Variants in B4GALT2 observed in about 807,000 individuals in gnomAD.
B4GALT2 encodes the protein beta-1,4-galactosyltransferase 2.
In B4GALT2, 18 loss-of-function variants were observed where a neutral mutation model predicts 33.2. The ratio of observed to expected loss-of-function variants is 0.54; its 90% CI spans 0.38 to 0.80. The LOEUF (loss-of-function observed/expected upper bound fraction) is 0.80. Ranked by LOEUF, B4GALT2 falls within the 30% of genes least tolerant of loss-of-function variation. B4GALT2 has a pLI of 0.00. For synonymous variants in B4GALT2, 214 were observed against 217.6 expected, an observed-to-expected ratio of 0.98 and a Z score of 0.15; for missense variants, 404 against 526.2, an observed-to-expected ratio of 0.77 and a Z score of 2.27.
intron 6 of B4GALT2, 169 bp downstream of exon 6, chr1:43,985,790 C>T (rs890633777): frequency 3.2e-5 from 21 of 650,368 alleles, no homozygotes; most frequent in Non-Finnish European, 5.1e-5. Flanking sequence ...GATCCAAGGC[C>T]CCTCAGGACT....
chr1:43,980,190 C>A, intron 1 of B4GALT2: 1 of 936,836 alleles, frequency 1.1e-6, no homozygotes, highest in Non-Finnish European at 1.5e-6. Context: ...CTCCCTGAAG[C>A]ACTGCCAGAA....
At position 43,979,559 on chromosome 1, in the gene B4GALT2, G is replaced by A. The variant is rs1356380603; in HGVS notation, c.-53+48G>A. On this transcript the variant is annotated intron_variant, in intron 1 of 6. Coordinates refer to ENST00000372324, the MANE Select transcript of B4GALT2 (RefSeq NM_003780.5). This position sits in a 1 kb window ranked among gnomAD's most constrained non-coding sequence, Gnocchi z 4.8. ...CCCCACCCAGGGCCCCGAGATTCCA[G>A]ACCCAGCCCCGCGAGGGGCACCCCG... The A allele has an allele frequency of 6.2e-6, 1 of 161,176 alleles. No individual in the cohort carries two copies. Among genetic ancestry groups the A allele is most frequent in the African/African-American group, 2.4e-5 (1 of 41,370 alleles). The allele number at this position is 161,176 out of a possible 1,614,324, so 10.0% of individuals were successfully genotyped here. A position where few individuals can be genotyped will look rare whatever the true frequency, so the allele number is the denominator to read the frequency against.
At position 43,981,935 on chromosome 1, in the gene B4GALT2, G is replaced by T; in HGVS notation, c.549+11G>T. ...TATGTCATCAACCAGGTGCCCATGC[G>T]GGGGTCCATGTGCCTGTTGGTGTAT... is the stretch of plus-strand genomic sequence containing the variant. On this transcript the variant is annotated intron_variant, in intron 3 of 6. Coordinates refer to ENST00000372324, the MANE Select transcript of B4GALT2 (RefSeq NM_003780.5). The surrounding 1 kb of genome is among the most constrained non-coding windows in gnomAD (Gnocchi z 8.1). The T allele has an allele frequency of 6.2e-7, 1 of 1,612,218 alleles. No individual in the cohort carries two copies. Among genetic ancestry groups the T allele is most frequent in the Non-Finnish European group, 8.5e-7 (1 of 1,178,836 alleles).
In B4GALT2 at chr1:43,985,066, T is replaced by C. The variant is rs745989416; in HGVS notation, c.740+11T>C. The C allele has an allele frequency of 4.8e-5, 77 of 1,612,698 alleles. No individual in the cohort carries two copies. Among genetic ancestry groups the C allele is most frequent in the Non-Finnish European group, 6.3e-5 (74 of 1,179,494 alleles). On this transcript the variant is annotated intron_variant, in intron 4 of 6. Transcript: ENST00000372324. ...CAAGTTTGGCTTCCGGTGAGGGCTC[T>C]CTTCTCAGCTGGACCCAGCCCTCCT... is the stretch of plus-strand genomic sequence containing the variant.
rs1358342525 is a variant in B4GALT2, at chr1:43,982,069, A to G, written c.549+145A>G. 1 of 795,330 alleles carries G rather than the reference A, an allele frequency of 1.3e-6. No individual in the cohort carries two copies. The highest frequency in any genetic ancestry group is 2.0e-6 in the Non-Finnish European group (1 of 498,628). The allele number at this position is 795,330 out of a possible 1,614,324, so 49.3% of individuals were successfully genotyped here. A position where few individuals can be genotyped will look rare whatever the true frequency, so the allele number is the denominator to read the frequency against. On this transcript the variant is annotated intron_variant, in intron 3 of 6. Transcript: ENST00000372324. This position sits in a 1 kb window ranked among gnomAD's most constrained non-coding sequence, Gnocchi z 4.3. ...TCAGTGTGCACAGGAATGTGTACGCACAGTGTGTGCATGTGAATGTTGGCA... is the reference window on the plus strand; with the variant it reads ...TCAGTGTGCACAGGAATGTGTACGCGCAGTGTGTGCATGTGAATGTTGGCA...
chr1:43,979,831 T>C lies in B4GALT2; in HGVS notation c.-53+320T>C, dbSNP rs1320885458. The C allele has an allele frequency of 2.1e-5, 13 of 614,546 alleles. No individual in the cohort carries two copies. The highest frequency in any genetic ancestry group is 3.4e-5 in the Non-Finnish European group (12 of 355,676). 38.1% of individuals were successfully genotyped at this position (614,546 alleles called of 1,614,324 possible). The stretch of plus-strand genomic sequence containing the variant: ...CCACCCACTCCCCCTGCCCCCAGGC[T>C]CCACACCCACCCGGTCTGTGCGGCC... On this transcript the variant is annotated intron_variant, in intron 1 of 6. Transcript: ENST00000372324. This position sits in a 1 kb window ranked among gnomAD's most constrained non-coding sequence, Gnocchi z 4.8.
chr1:43,988,535 C>T (rs1480141358), intron 6 of B4GALT2, among the ~76,000 whole-genome samples: 3 of 151,858 alleles, frequency 2.0e-5, no homozygotes, highest in African/African-American at 7.3e-5. Flanking sequence ...TGGTGGGCGC[C>T]TGTAATCCCA....
chr1:43,983,266 G>A (rs909705178), intron 3 of B4GALT2, among the ~76,000 whole-genome samples: 5 of 152,212 alleles, frequency 3.3e-5, no homozygotes, highest in Non-Finnish European at 5.9e-5. Flanking sequence ...AACCAACAAC[G>A]TCTGACCTGC....
chr1:43,985,378 G>T lies in B4GALT2; in HGVS notation c.841G>T (p.Glu281Ter). The change falls in exon 5 of 7, where the codon GAG becomes TAG. Residue 281 changes from glutamate to a stop codon, truncating the protein, a stop_gained. Transcript: ENST00000372324. LOFTEE classifies it high-confidence loss of function. ...CAATGAGTACTGGGGCTGGGGTGGC[G>T]AGGATGATGACATCTTCAACCGGTG... is the stretch of plus-strand genomic sequence containing the variant. ...FPNEYWGWGG[E>*]DDDIFNRISL... 1 of 1,591,530 alleles carries T rather than the reference G, an allele frequency of 6.3e-7. No individual in the cohort carries two copies.
At position 43,984,853 on chromosome 1, in the gene B4GALT2, C is replaced by T; in HGVS notation, c.550-12C>T. The T allele has an allele frequency of 6.2e-7, 1 of 1,611,832 alleles. No individual in the cohort carries two copies. The highest frequency in any genetic ancestry group is 8.5e-7 in the Non-Finnish European group (1 of 1,178,670). On this transcript the variant is annotated splice_polypyrimidine_tract_variant and intron_variant, in intron 3 of 6. Transcript: ENST00000372324. This position sits in a 1 kb window ranked among gnomAD's most constrained non-coding sequence, Gnocchi z 5.6. ...ACAGGCCCAGGGTTGACCTGCTCCT[C>T]CCCCTACCCAGCATGGTGAGGACAC...
chr1:43,990,118 G>A (rs1024741431), intron 6 of B4GALT2, among the ~76,000 whole-genome samples, 180 bp from the exon 7 acceptor site: 1 of 152,178 alleles, frequency 6.6e-6, no homozygotes, highest in Non-Finnish European at 1.5e-5. Context: ...CTGCAAAAGG[G>A]CGTGGGCATA....
intron 6 of B4GALT2, chr1:43,986,026 T>C (rs2085655686): frequency 4.4e-6 from 1 of 228,786 alleles, no homozygotes; most frequent in South Asian, 6.2e-5. Context: ...GCACAGCTCC[T>C]GTGGACCTGA....
chr1:43,981,428 A>G lies in B4GALT2; in HGVS notation c.268A>G (p.Thr90Ala). 1 of 1,593,164 alleles carries G rather than the reference A, an allele frequency of 6.3e-7. No homozygotes were observed. The highest frequency in any genetic ancestry group is 8.5e-7 in the Non-Finnish European group (1 of 1,175,850). ...GGTCCCCAGTGCCCTGCCCGGTCCC[A>G]CGGCTCCCACGCTGCCACCCTGTCC... is the stretch of plus-strand genomic sequence containing the variant. ...PEVPSALPGP[T>A]APTLPPCPDS... The change falls in exon 2 of 7, where the codon ACG becomes GCG. Residue 90 changes from threonine to alanine, a missense_variant. Thr to Ala is a moderately conservative substitution (Grantham distance 58). Transcript: ENST00000372324. The surrounding 1 kb of genome is among the most constrained non-coding windows in gnomAD (Gnocchi z 8.1).
In B4GALT2 at chr1:43,985,046, T is replaced by A; in HGVS notation, c.731T>A (p.Phe244Tyr). ...CACTTTGCCATTGCCATGGACAAGT[T>A]TGGCTTCCGGTGAGGGCTCTCTTCT... ...PRHFAIAMDK[F>Y]GFRLPYAGYF... is the part of the protein sequence containing the mutation. The change falls in exon 4 of 7, where the codon TTT (phenylalanine) becomes TAT (tyrosine). Residue 244 changes from phenylalanine to tyrosine, a missense_variant. By Grantham distance (22) the Phe-to-Tyr change is conservative (BLOSUM62 3). Transcript: ENST00000372324. 1 of 1,613,768 alleles carries A rather than the reference T, an allele frequency of 6.2e-7. No homozygotes were observed. Among genetic ancestry groups the A allele is most frequent in the Non-Finnish European group, 8.5e-7 (1 of 1,179,938 alleles).
chr1:43,980,642 C>T (rs1205933901), intron 1 of B4GALT2: 2 of 963,676 alleles, frequency 2.1e-6, no homozygotes, highest in African/African-American at 1.8e-5. Context: ...CGTCTCTTCC[C>T]TCTTCCCCAA....
chr1:43,980,189 G>C lies in B4GALT2; in HGVS notation c.-53+678G>C, dbSNP rs542298469. The C allele has an allele frequency of 4.3e-6, 4 of 941,072 alleles. No individual in the cohort carries two copies. In the African/African-American group the frequency reaches 5.3e-5, roughly 12 times the overall value. 58.3% of individuals were successfully genotyped at this position (941,072 alleles called of 1,614,324 possible). A position where few individuals can be genotyped will look rare whatever the true frequency, so the allele number is the denominator to read the frequency against. On this transcript the variant is annotated intron_variant, in intron 1 of 6. Coordinates refer to ENST00000372324, the MANE Select transcript of B4GALT2 (RefSeq NM_003780.5). Reference sequence around the variant, plus strand: ...TGTGAGACTCACCCTGCTCCCTGAAGCACTGCCAGAAGTGGCTGCCGCTCT... The same window carrying C: ...TGTGAGACTCACCCTGCTCCCTGAACCACTGCCAGAAGTGGCTGCCGCTCT...
chr1:43,986,043 G>A, intron 6 of B4GALT2: 1 of 213,608 alleles, frequency 4.7e-6, no homozygotes, highest in Non-Finnish European at 9.6e-6. Context: ...CTGACAAAGG[G>A]GACCTGAGCA....
At position 43,979,995 on chromosome 1, in the gene B4GALT2, T is replaced by C. The variant is rs3762423; in HGVS notation, c.-53+484T>C. The C allele has an allele frequency of 0.064, 97,268 of 1,524,360 alleles. 4,026 individuals are homozygous for C. The highest frequency in any genetic ancestry group is 0.18 in the African/African-American group (13,163 of 71,628). 94.4% of individuals were successfully genotyped at this position (1,524,360 alleles called of 1,614,324 possible). On this transcript the variant is annotated intron_variant, in intron 1 of 6. Transcript: ENST00000372324. The surrounding 1 kb of genome is among the most constrained non-coding windows in gnomAD (Gnocchi z 4.8). Reference sequence around the variant, plus strand: ...TGCACGTGGGTCTGGGTGTGAGCTGTCTGAGAGTCTGGATGTATGGCTGTG... The same window carrying C: ...TGCACGTGGGTCTGGGTGTGAGCTGCCTGAGAGTCTGGATGTATGGCTGTG...
In B4GALT2 at chr1:43,981,137, G is replaced by C; in HGVS notation, c.-24G>C. The C allele has an allele frequency of 6.3e-7, 1 of 1,596,038 alleles. No homozygotes were observed. The highest frequency in any genetic ancestry group is 8.5e-7 in the Non-Finnish European group (1 of 1,178,318). On this transcript the variant is annotated 5_prime_UTR_variant, in exon 2 of 7. Transcript: ENST00000372324. This position sits in a 1 kb window ranked among gnomAD's most constrained non-coding sequence, Gnocchi z 8.1. Reference sequence around the variant, plus strand: ...AGCAGCCGGATGCCCGGGCCCACTGGGCGGGCCAGTGGCCGCCTGCGGGAT... The same window carrying C: ...AGCAGCCGGATGCCCGGGCCCACTGCGCGGGCCAGTGGCCGCCTGCGGGAT...
Sources: gnomAD v4.1 joint callset for allele counts (sites outside exome capture counted in the v4.1 genomes callset) on GRCh38, gnomAD v4.1.1 for gene constraint, Gnocchi (gnomAD v3.1) non-coding constraint, MANE v1.5 for transcripts, NCBI Gene and HGNC (gene_info 2026-07-23, HGNC 2026-07-21) for gene names.